NPIPB15: variants seen among roughly 807,000 people sequenced by gnomAD.
The protein encoded by NPIPB15 is nuclear pore complex interacting protein family member B15.
NPIPB15 carries 5 observed loss-of-function variants against 35.9 expected under a neutral mutation model. The ratio of observed to expected loss-of-function variants is 0.14; its 90% CI spans 0.07 to 0.29. The LOEUF (loss-of-function observed/expected upper bound fraction) is 0.29. NPIPB15 is among the 10% of genes least tolerant of loss of function. NPIPB15 has a pLI of 1.00. For synonymous variants in NPIPB15, 43 were observed against 182.0 expected (o/e 0.24, Z 6.15); for missense variants, 100 against 506.1 (o/e 0.20, Z 7.70).
chr16:74,376,430 G>C lies in NPIPB15; in HGVS notation c.-939G>C, dbSNP rs2011669245. 6.6e-6 allele frequency among the ~76,000 whole-genome samples: 1 copy of C among 151,040 alleles called. No homozygotes were observed. Among genetic ancestry groups the C allele is most frequent in the African/African-American group, 2.4e-5 (1 of 41,124 alleles). On this transcript the variant is annotated 5_prime_UTR_variant, in exon 1 of 8. Transcript: ENST00000692376. The stretch of plus-strand genomic sequence containing the variant: ...GTCTGTCCTGGTCACCAGACCCCTG[G>C]GTCCTGCCCACCTGCTTGGAGCTCC...
intron 2 of NPIPB15, among the ~76,000 whole-genome samples, chr16:74,379,333 C>G (rs1423752049): frequency 1.2e-4 from 18 of 152,336 alleles, no homozygotes; most frequent in African/African-American, 3.4e-4. Context: ...TCAGCATATG[C>G]TGAGTTCCAC....
chr16:74,380,952 G>A (rs1292006439), intron 2 of NPIPB15, among the ~76,000 whole-genome samples: 1 of 152,306 alleles, frequency 6.6e-6, no homozygotes, highest in Non-Finnish European at 1.5e-5. Flanking sequence ...AGGCCAGACT[G>A]GCCAACATGG....
Position 74,376,714 on chromosome 16 carries a change from G to A in NPIPB15, c.-655G>A, listed in dbSNP as rs2011680581. On this transcript the variant is annotated 5_prime_UTR_variant, in exon 1 of 8. The change creates a new upstream start codon in the 5' untranslated region. Transcript: ENST00000692376. Reference sequence around the variant, plus strand: ...GTTAAAATGTCTAGGTGGGTTAGGGGTGATTTGAGATCACACAACCTTGTG... The same window carrying A: ...GTTAAAATGTCTAGGTGGGTTAGGGATGATTTGAGATCACACAACCTTGTG... Among the ~76,000 whole-genome samples the A allele has an allele frequency of 6.6e-6, 1 of 152,002 alleles. No individual in the cohort carries two copies. The highest frequency in any genetic ancestry group is 1.5e-5 in the Non-Finnish European group (1 of 68,020).
rs1259635765 is a variant in NPIPB15, at chr16:74,384,008, GAACA to G, written c.250-1331_250-1328del. On this transcript the variant is annotated intron_variant, in intron 3 of 7. Coordinates refer to ENST00000692376, the MANE Select transcript of NPIPB15 (RefSeq NM_001306094.2). ...TTGCATTGCATTTTCGCTATGATGA[GAACA>G]AATATTTAATATCTTAGAAGATTAA... Among the ~76,000 whole-genome samples the G allele has an allele frequency of 5.1e-5, 7 of 138,384 alleles. No homozygotes were observed. In the East Asian group the frequency reaches 7.8e-4, roughly 16 times the overall value. 90.8% of individuals were successfully genotyped at this position (138,384 alleles called of 152,430 possible). A position where few individuals can be genotyped will look rare whatever the true frequency, so the allele number is the denominator to read the frequency against.
intron 3 of NPIPB15, among the ~76,000 whole-genome samples, chr16:74,384,570 T>C (rs1336112541): frequency 1.4e-5 from 2 of 141,542 alleles, no homozygotes; most frequent in Non-Finnish European, 3.0e-5. Flanking sequence ...GGTTTCACCA[T>C]GTTGCCCAGG....
rs542967439 is a variant in NPIPB15 at position 74,377,344 on chromosome 16, C to T, written c.-25C>T. On this transcript the variant is annotated splice_region_variant and 5_prime_UTR_variant, in exon 1 of 8. Coordinates refer to ENST00000692376, the MANE Select transcript of NPIPB15 (RefSeq NM_001306094.2). ...GAGCTGGTTGGGGAGGACCAGAAAT[C>T]AGGTTTGTGAAGGTTCCAGAGAGGA... Among the ~76,000 whole-genome samples the T allele has an allele frequency of 5.4e-4, 82 of 152,070 alleles. No homozygotes were observed. The highest frequency in any genetic ancestry group is 1.9e-3 in the African/African-American group (79 of 41,452).
chr16:74,382,426 C>G (rs2012038499), intron 3 of NPIPB15, among the ~76,000 whole-genome samples: 1 of 151,140 alleles, frequency 6.6e-6, no homozygotes, highest in Non-Finnish European at 1.5e-5. Context: ...GAACTGCCCT[C>G]CAAGAGAATC....
chr16:74,380,879 C>T (rs1224942336), intron 2 of NPIPB15, among the ~76,000 whole-genome samples: 5 of 152,336 alleles, frequency 3.3e-5, no homozygotes, highest in African/African-American at 1.2e-4. Context: ...GGCACGGTGG[C>T]TCACACCTGT....
chr16:74,381,163 A>AAAAAAAAAAAAAAT (rs2142659362), intron 2 of NPIPB15: 1 of 326,364 alleles, frequency 3.1e-6, no homozygotes, highest in East Asian at 8.1e-5. Flanking sequence ...AAAAAAAAAA[A>AAAAAAAAAAAAAAT]GAGTTTTTTT....
At chr16:74,379,259 C>G (rs1383202356) in intron 2 of NPIPB15, among the ~76,000 whole-genome samples, 1 of 152,170 alleles carries the variant, frequency 6.6e-6, no homozygotes, top group Non-Finnish European at 1.5e-5. Context: ...CTGCTCAACA[C>G]CATGTTTCTG....
chr16:74,379,257 C>T (rs1197955203), intron 2 of NPIPB15, among the ~76,000 whole-genome samples: 2 of 152,162 alleles, frequency 1.3e-5, no homozygotes, highest in Non-Finnish European at 2.9e-5. Flanking sequence ...TTCTGCTCAA[C>T]ACCATGTTTC....
At chr16:74,380,931 C>T (rs1941226) in intron 2 of NPIPB15, among the ~76,000 whole-genome samples, 1 of 152,218 alleles carries the variant, frequency 6.6e-6, no homozygotes, top group African/African-American at 2.4e-5. Flanking sequence ...AGATCGCCTG[C>T]CAGGAGTTCA....
rs1440859194 is a variant in NPIPB15 at position 74,388,912 on chromosome 16, G to C, written c.546-913G>C. 4.3e-6 allele frequency: 4 copies of C among 928,168 alleles called. No homozygotes were observed. The African/African-American group carries it at 7.5e-5, about 17-fold the overall frequency. The allele number at this position is 928,168 out of a possible 1,614,324, so 57.5% of individuals were successfully genotyped here. A position where few individuals can be genotyped will look rare whatever the true frequency, so the allele number is the denominator to read the frequency against. On this transcript the variant is annotated intron_variant, in intron 5 of 7. Coordinates refer to ENST00000692376, the MANE Select transcript of NPIPB15 (RefSeq NM_001306094.2). ...TTTAGACCCAGTAAATGCAGAAATA[G>C]AAACAAATGGTCAGAAGACCTATCG...
At chr16:74,385,983 T>C (rs1290326555) in intron 5 of NPIPB15, among the ~76,000 whole-genome samples, 1 of 132,344 alleles carries the variant, frequency 7.6e-6, no homozygotes, top group Non-Finnish European at 1.6e-5. Context: ...GCATTGGTTT[T>C]CCTTTCTCTC....
At chr16:74,379,289 A>G (rs1170022914) in intron 2 of NPIPB15, among the ~76,000 whole-genome samples, 9 of 152,246 alleles carry the variant, frequency 5.9e-5, no homozygotes, top group East Asian at 1.9e-4. Flanking sequence ...CCGTTGTTGT[A>G]TGGTTCTCTA....
At chr16:74,388,529 T>A in intron 5 of NPIPB15, 1 of 946,236 alleles carries the variant, frequency 1.1e-6, no homozygotes, top group South Asian at 4.9e-5. Context: ...AGAGTGTGAT[T>A]TTTTTTGGTC....
chr16:74,376,689 G>A lies in NPIPB15; in HGVS notation c.-680G>A, dbSNP rs1186753062. Among the ~76,000 whole-genome samples the A allele has an allele frequency of 3.9e-5, 6 of 152,128 alleles. No individual in the cohort carries two copies. Among genetic ancestry groups the A allele is most frequent in the African/African-American group, 1.2e-4 (5 of 41,448 alleles). On this transcript the variant is annotated 5_prime_UTR_variant, in exon 1 of 8. The change abolishes an upstream ATG in the 5' untranslated region. Coordinates refer to ENST00000692376, the MANE Select transcript of NPIPB15 (RefSeq NM_001306094.2). ...AGGACATCATCACTCGGTTTCAGAT[G>A]TTAAAATGTCTAGGTGGGTTAGGGG... is the stretch of plus-strand genomic sequence containing the variant.
chr16:74,386,490 ACT>A (rs1363839317), intron 5 of NPIPB15, among the ~76,000 whole-genome samples: 3 of 108,234 alleles, frequency 2.8e-5, no homozygotes, highest in African/African-American at 7.5e-5. Context: ...ACAGAGTCTC[ACT>A]CTGTCACCCA....
chr16:74,379,421 G>A (rs995213346), intron 2 of NPIPB15, among the ~76,000 whole-genome samples: 2 of 152,090 alleles, frequency 1.3e-5, no homozygotes, highest in African/African-American at 4.8e-5. Context: ...AGAATATATA[G>A]TTAAATCCTG....
Sources: gnomAD v4.1 joint callset for allele counts (sites outside exome capture counted in the v4.1 genomes callset) on GRCh38, gnomAD v4.1.1 for gene constraint, MANE v1.5 for transcripts, NCBI Gene and HGNC (gene_info 2026-07-23, HGNC 2026-07-21) for gene names.